The following SLCO3A1 variants were observed in gnomAD, a reference collection of about 807,000 sequenced individuals.
SLCO3A1 encodes PGE1 transporter.
In SLCO3A1, 27 loss-of-function variants were observed where a neutral mutation model predicts 63.1. The ratio of observed to expected loss-of-function variants is 0.43; its 90% CI spans 0.32 to 0.59. The LOEUF (loss-of-function observed/expected upper bound fraction) is 0.59, where lower values mean the gene tolerates loss of function less well. Ranked by LOEUF, SLCO3A1 falls within the 20% of genes least tolerant of loss-of-function variation. SLCO3A1 has a pLI of 0.09. For synonymous variants in SLCO3A1, 473 were observed against 409.9 expected, an observed-to-expected ratio of 1.15 and a Z score of -1.86; for missense variants, 773 against 945.8, an observed-to-expected ratio of 0.82 and a Z score of 2.40.
intron 5 of SLCO3A1, 64 bp from the exon 6 acceptor site, chr15:92,125,997 C>T (rs186661594): frequency 2.7e-5 from 38 of 1,418,664 alleles, no homozygotes; most frequent in South Asian, 7.1e-5. Context: ...GCCTGCTGCC[C>T]GCCTGTCTGT....
chr15:92,038,586 C>T (rs998213037), intron 2 of SLCO3A1, among the ~76,000 whole-genome samples: 1 of 152,050 alleles, frequency 6.6e-6, no homozygotes, highest in African/African-American at 2.4e-5. Context: ...CAAACCACTG[C>T]CCAAGAAAAT....
chr15:92,057,328 G>C (rs1380121019), intron 2 of SLCO3A1, among the ~76,000 whole-genome samples: 1 of 152,238 alleles, frequency 6.6e-6, no homozygotes, highest in African/African-American at 2.4e-5. Context: ...GGAAAAGCCA[G>C]CTTAGAAGAG....
intron 2 of SLCO3A1, among the ~76,000 whole-genome samples, chr15:91,970,531 G>T (rs1251633596): frequency 6.6e-6 from 1 of 152,192 alleles, no homozygotes; most frequent in Non-Finnish European, 1.5e-5. Context: ...CTGTGACCAG[G>T]AGGTGCTCCT....
In SLCO3A1 at chr15:91,968,791, C is replaced by A. The variant is rs1900753278; in HGVS notation, c.646+52333C>A. Among the ~76,000 whole-genome samples the A allele has an allele frequency of 6.6e-6, 1 of 152,232 alleles. No individual in the cohort carries two copies. The highest frequency in any genetic ancestry group is 1.5e-5 in the Non-Finnish European group (1 of 68,042). ...CTTTGTGCGCTCACAGCAGGCACTGCACTGTCCGTGGTTACCCTTAGGGTG... is the reference window on the plus strand; with the variant it reads ...CTTTGTGCGCTCACAGCAGGCACTGAACTGTCCGTGGTTACCCTTAGGGTG... On this transcript the variant is annotated intron_variant, in intron 2 of 9. Coordinates refer to ENST00000318445, the MANE Select transcript of SLCO3A1 (RefSeq NM_013272.4). This position sits in a 1 kb window ranked among gnomAD's most constrained non-coding sequence, Gnocchi z 4.2.
intron 1 of SLCO3A1, among the ~76,000 whole-genome samples, chr15:91,914,639 A>C (rs1411392218): frequency 2.1e-5 from 3 of 142,058 alleles, no homozygotes; most frequent in African/African-American, 7.9e-5. Flanking sequence ...GTGTGATCTC[A>C]GCTCACTGCA....
chr15:92,047,585 ATATATAT>A (rs2046901099), intron 2 of SLCO3A1, among the ~76,000 whole-genome samples: 1 of 7,888 alleles, frequency 1.3e-4, no homozygotes, highest in Non-Finnish European at 2.8e-4. Flanking sequence ...TATATATAAT[ATATATAT>A]AATATATAAT....
chr15:91,880,397 C>CTGTGTGTGTGTGTG lies in SLCO3A1; in HGVS notation c.180+26310_180+26311insGTGTGTGTGTGTGT, dbSNP rs747889224. ...CACTCGTGCTTCTCTCTCTCTCTCT[C>CTGTGTGTGTGTGTG]TCTCTCTCTCTCTGTGTGTGTGTGT... On this transcript the variant is annotated intron_variant, in intron 1 of 9. Transcript: ENST00000318445. 4.2e-3 allele frequency among the ~76,000 whole-genome samples: 397 copies of CTGTGTGTGTGTGTG among 94,168 alleles called. 2 individuals carry two copies. The highest frequency in any genetic ancestry group is 0.012 in the African/African-American group (347 of 29,616). The allele number at this position is 94,168 out of a possible 152,430, so 61.8% of individuals were successfully genotyped here.
intron 2 of SLCO3A1, among the ~76,000 whole-genome samples, chr15:91,961,673 C>G (rs1254369987): frequency 1.3e-5 from 2 of 152,220 alleles, no homozygotes; most frequent in Admixed American, 6.5e-5. Context: ...ATCAGAGAGG[C>G]CTTCCCTGAA....
chr15:91,855,833 A>G (rs910308968), intron 1 of SLCO3A1, among the ~76,000 whole-genome samples: 2 of 152,196 alleles, frequency 1.3e-5, no homozygotes, highest in African/African-American at 4.8e-5. Flanking sequence ...TAGTATATCA[A>G]CAGCTGCCTC....
rs905661512 is a variant in SLCO3A1 at position 92,162,977 on chromosome 15, C to A, written c.1975C>A (p.His659Asn). 3 of 1,614,032 alleles carry A rather than the reference C, an allele frequency of 1.9e-6. No individual in the cohort carries two copies. The Admixed American group carries it at 5.0e-5, about 27-fold the overall frequency. ...AAACTATAAACGCTACATCAAAAAC[C>A]ACGAGGGCGGGCTGAGCACCAGTGA... ...RKNYKRYIKNHEGGLSTSEFF... is the reference protein window; with the variant it reads ...RKNYKRYIKNNEGGLSTSEFF... Residue 659 changes from histidine to asparagine, a missense_variant, in exon 10 of 10, where the codon CAC (histidine) becomes AAC (asparagine). His to Asn is a moderately conservative substitution (Grantham distance 68, BLOSUM62 1). Coordinates refer to ENST00000318445, the MANE Select transcript of SLCO3A1 (RefSeq NM_013272.4).
At chr15:91,878,864 T>G (rs1052363334) in intron 1 of SLCO3A1, among the ~76,000 whole-genome samples, 2 of 152,364 alleles carry the variant, frequency 1.3e-5, no homozygotes. Flanking sequence ...AATTTTTTTC[T>G]TACACTTAGG....
At chr15:91,945,254 A>G (rs1899763922) in intron 2 of SLCO3A1, among the ~76,000 whole-genome samples, 1 of 151,862 alleles carries the variant, frequency 6.6e-6, no homozygotes, top group Non-Finnish European at 1.5e-5. Flanking sequence ...AGGCAGGAGA[A>G]TCACTTGAAC....
In SLCO3A1 at chr15:91,886,054, G is replaced by C. The variant is rs748527513; in HGVS notation, c.181-29939G>C. ...CCGGCAGGCCCCTGTGAGCCACAGG[G>C]AGGCAGAGTTGGTCCCTTTTAAATA... is the stretch of plus-strand genomic sequence containing the variant. On this transcript the variant is annotated intron_variant, in intron 1 of 9. Coordinates refer to ENST00000318445, the MANE Select transcript of SLCO3A1 (RefSeq NM_013272.4). This position sits in a 1 kb window ranked among gnomAD's most constrained non-coding sequence, Gnocchi z 4.9. Among the ~76,000 whole-genome samples the C allele has an allele frequency of 6.6e-6, 1 of 152,134 alleles. No homozygotes were observed. The highest frequency in any genetic ancestry group is 2.4e-5 in the African/African-American group (1 of 41,426).
intron 2 of SLCO3A1, among the ~76,000 whole-genome samples, chr15:92,012,341 C>T (rs959612919): frequency 1.1e-4 from 16 of 152,198 alleles, no homozygotes; most frequent in African/African-American, 3.1e-4. Flanking sequence ...CTTTTCTTGC[C>T]GTGAAATGAG....
intron 2 of SLCO3A1, among the ~76,000 whole-genome samples, chr15:92,073,799 A>G (rs997601288): frequency 2.0e-5 from 3 of 152,248 alleles, no homozygotes; most frequent in African/African-American, 7.2e-5. Context: ...GTGACAAGCA[A>G]AACTGTCTTC....
intron 4 of SLCO3A1, among the ~76,000 whole-genome samples, chr15:92,110,031 G>T (rs1476106623): frequency 6.6e-6 from 1 of 152,206 alleles, no homozygotes; most frequent in Non-Finnish European, 1.5e-5. Context: ...AAGGGAATCA[G>T]GCTGGGGCCC....
At chr15:92,116,728 C>T (rs188064663) in intron 4 of SLCO3A1, among the ~76,000 whole-genome samples, 36 of 152,320 alleles carry the variant, frequency 2.4e-4, no homozygotes, top group Non-Finnish European at 4.1e-4. Flanking sequence ...TAGCCCTTCT[C>T]AAACTAGGGT....
chr15:91,880,886 C>G (rs997286133), intron 1 of SLCO3A1, among the ~76,000 whole-genome samples: 1 of 152,130 alleles, frequency 6.6e-6, no homozygotes, highest in African/African-American at 2.4e-5. Context: ...CTATGGTTCT[C>G]TTCTTGGTTT....
At chr15:91,914,621 G>A (rs1898593942) in intron 1 of SLCO3A1, among the ~76,000 whole-genome samples, 1 of 145,966 alleles carries the variant, frequency 6.9e-6, no homozygotes, top group Admixed American at 7.0e-5. Flanking sequence ...CCAAACTGGA[G>A]TGCAGTGGTG....
Sources: allele counts gnomAD v4.1 joint callset (sites outside exome capture counted in the v4.1 genomes callset), GRCh38; gene constraint gnomAD v4.1.1; non-coding constraint Gnocchi (gnomAD v3.1); transcripts MANE v1.5; gene names NCBI Gene and HGNC (gene_info 2026-07-23, HGNC 2026-07-21).